IARS2: variants seen among roughly 807,000 people sequenced by gnomAD.
IARS2 encodes isoleucyl-tRNA synthetase 2, mitochondrial.
A neutral mutation model predicts 126.3 loss-of-function variants in IARS2; 56 were observed. The observed-to-expected ratio is 0.44, with a 90% CI of 0.36 to 0.55. The LOEUF is 0.55. Among genes scored for constraint, IARS2 ranks in the 20% least tolerant of loss-of-function variants. The probability of loss-of-function intolerance (pLI) is 0.00; values close to 1 mark genes in which losing one functional copy is unlikely to be tolerated. For synonymous variants in IARS2, 407 were observed against 441.1 expected, an observed-to-expected ratio of 0.92 and a Z score of 0.97; for missense variants, 1,127 against 1,245.9, an observed-to-expected ratio of 0.90 and a Z score of 1.44.
At chr1:220,113,807 G>A (rs1189698321) in intron 11 of IARS2, among the ~76,000 whole-genome samples, 2 of 152,110 alleles carry the variant, frequency 1.3e-5, no homozygotes, top group East Asian at 1.9e-4. Context: ...ACATACTTGG[G>A]CTTATTTTGA....
rs200804964 is a variant in IARS2, at chr1:220,113,626, G to GAT, written c.1480-676_1480-675dup. On this transcript the variant is annotated intron_variant, in intron 11 of 22. Transcript: ENST00000366922. ...AGTAACTGTTAGCCATTTGTCGATA[G>GAT]ATATATATATATAGAGAGAGAGAGA... 2.2e-3 allele frequency among the ~76,000 whole-genome samples: 330 copies of GAT among 148,058 alleles called. 1 individual carries two copies. Among genetic ancestry groups the GAT allele is most frequent in the African/African-American group, 7.1e-3 (271 of 38,154 alleles).
Position 220,147,481 on chromosome 1 carries a change from AT to A in IARS2, c.2897-5del. The A allele has an allele frequency of 6.2e-7, 1 of 1,613,526 alleles. No individual in the cohort carries two copies. Among genetic ancestry groups the A allele is most frequent in the Admixed American group, 1.7e-5 (1 of 59,996 alleles). On this transcript the variant is annotated splice_polypyrimidine_tract_variant and intron_variant, in intron 22 of 22. Transcript: ENST00000366922. The stretch of plus-strand genomic sequence containing the variant: ...TGCCTATCAGAAATACTCTTCATGT[AT>A]TTTTTTATAGGTGGTGATATTCGTG...
intron 20 of IARS2, 119 bp downstream of exon 20, chr1:220,142,067 CAG>C: frequency 2.2e-6 from 2 of 925,642 alleles, no homozygotes; most frequent in East Asian, 5.0e-5. Context: ...CTGTGTGACA[CAG>C]TGTGTCTTGG....
At position 220,096,194 on chromosome 1, in the gene IARS2, G is replaced by C; in HGVS notation, c.358G>C (p.Gly120Arg). The C allele has an allele frequency of 6.3e-7, 1 of 1,597,924 alleles. No homozygotes were observed. Among genetic ancestry groups the C allele is most frequent in the Non-Finnish European group, 8.5e-7 (1 of 1,171,568 alleles). Residue 120 changes from glycine (G) to arginine (R), a missense_variant, in exon 2 of 23, where the codon GGT becomes CGT. Physicochemically the swap from Gly to Arg is moderately radical, Grantham distance 125 (BLOSUM62 -2). Coordinates refer to ENST00000366922, the MANE Select transcript of IARS2 (RefSeq NM_018060.4). ...TCATGATGGACCTCCTTATGCAAACGGTGACCCTCATGTTGGACATGCTTT... is the reference window on the plus strand; with the variant it reads ...TCATGATGGACCTCCTTATGCAAACCGTGACCCTCATGTTGGACATGCTTT... ...CLHDGPPYAN[G>R]DPHVGHALNK...
In IARS2 at chr1:220,094,309, G is replaced by C. The variant is rs1176713687; in HGVS notation, c.93G>C (p.Pro31=). Residue 31 remains proline, a synonymous_variant, in exon 1 of 23, where the codon CCG becomes CCC. Coordinates refer to ENST00000366922, the MANE Select transcript of IARS2 (RefSeq NM_018060.4). ...GGACGCCCCGCCTTCCCTGCAGCCC[G>C]GGATGGCAAGGGGCGACGAAGAGGC... ...LWGTPRLPCS[P]GWQGATKRLL... is the part of the protein sequence containing the mutation. 3 of 1,612,272 alleles carry C rather than the reference G, an allele frequency of 1.9e-6. No individual in the cohort carries two copies. The highest frequency in any genetic ancestry group is 2.7e-5 in the African/African-American group (2 of 74,794).
At chr1:220,097,950 C>T (rs181543359) in intron 2 of IARS2, among the ~76,000 whole-genome samples, 11 of 152,162 alleles carry the variant, frequency 7.2e-5, no homozygotes, top group Admixed American at 2.6e-4. Context: ...TCTCGGCTCA[C>T]TGCAAGCTCC....
intron 13 of IARS2, among the ~76,000 whole-genome samples, chr1:220,125,822 T>C (rs1186789742): frequency 1.3e-5 from 2 of 151,684 alleles, no homozygotes; most frequent in Non-Finnish European, 2.9e-5. Flanking sequence ...AAGTGTATTA[T>C]TAGGTCGGGC....
At position 220,110,906 on chromosome 1, in the gene IARS2, T is replaced by G; in HGVS notation, c.1448T>G (p.Ile483Arg). The G allele has an allele frequency of 1.2e-6, 2 of 1,613,936 alleles. No homozygotes were observed. The highest frequency in any genetic ancestry group is 1.7e-6 in the Non-Finnish European group (2 of 1,179,976). Residue 483 changes from isoleucine (I) to arginine (R), a missense_variant, in exon 11 of 23, where the codon ATA (isoleucine) becomes AGA (arginine). Ile to Arg is a moderately conservative substitution (Grantham distance 97). Transcript: ENST00000366922. ...ATTCGTGCCAGCAAGCAGTGGTTTA[T>G]AAACATCACGGATATTAAGACTGCA... ...VVIRASKQWF[I>R]NITDIKTAAK...
chr1:220,127,911 T>C (rs1279476039), intron 14 of IARS2, among the ~76,000 whole-genome samples: 1 of 152,170 alleles, frequency 6.6e-6, no homozygotes, highest in Non-Finnish European at 1.5e-5. Flanking sequence ...TCATAATTTT[T>C]CTCCCAGCAT....
intron 14 of IARS2, among the ~76,000 whole-genome samples, chr1:220,129,033 C>T (rs1000313241): frequency 1.1e-4 from 17 of 151,984 alleles, no homozygotes; most frequent in Middle Eastern, 3.4e-3. Context: ...CAGGCATGTG[C>T]CACCATGCCC....
chr1:220,111,988 T>C (rs935034160), intron 11 of IARS2, among the ~76,000 whole-genome samples: 4 of 152,120 alleles, frequency 2.6e-5, no homozygotes, highest in Admixed American at 6.6e-5. Flanking sequence ...TTTTTAACTT[T>C]TTTGTAAAGT....
Position 220,096,191 on chromosome 1 carries a change from A to T in IARS2, c.355A>T (p.Asn119Tyr). The change falls in exon 2 of 23, where the codon AAC becomes TAC. Residue 119 changes from asparagine to tyrosine, a missense_variant. Physicochemically the swap from Asn to Tyr is moderately radical, Grantham distance 143 (BLOSUM62 -2). Coordinates refer to ENST00000366922, the MANE Select transcript of IARS2 (RefSeq NM_018060.4). ...FCLHDGPPYA[N>Y]GDPHVGHALN... The stretch of plus-strand genomic sequence containing the variant: ...CCTTCATGATGGACCTCCTTATGCA[A>T]ACGGTGACCCTCATGTTGGACATGC... The T allele has an allele frequency of 6.2e-7, 1 of 1,601,920 alleles. No individual in the cohort carries two copies. The highest frequency in any genetic ancestry group is 8.5e-7 in the Non-Finnish European group (1 of 1,173,308).
At chr1:220,145,758 C>A in intron 22 of IARS2, 105 bp downstream of exon 22, 1 of 865,006 alleles carries the variant, frequency 1.2e-6, no homozygotes. Flanking sequence ...TAGATATATA[C>A]TTGGAATACA....
chr1:220,141,655 T>A (rs1395318704), intron 19 of IARS2, 148 bp from the exon 20 acceptor site: 5 of 782,258 alleles, frequency 6.4e-6, no homozygotes, highest in Non-Finnish European at 1.0e-5. Context: ...AGTAAAATTG[T>A]AGGAGAGTGT....
In IARS2 at chr1:220,107,747, C is replaced by T. The variant is rs371549739; in HGVS notation, c.1327+596C>T. Among the ~76,000 whole-genome samples, 18 of 152,288 alleles carry T rather than the reference C, an allele frequency of 1.2e-4. No homozygotes were observed. In the South Asian group the frequency reaches 2.1e-3, roughly 18 times the overall value. On this transcript the variant is annotated intron_variant, in intron 10 of 22. Transcript: ENST00000366922. ...CTGGAAGCTAGAAGTCTAAATTCAT[C>T]GTACTGGCAGGACCATGTTTTCCTG...
In IARS2 at chr1:220,102,780, G is replaced by A; in HGVS notation, c.950+3G>A. 6.3e-7 allele frequency: 1 copy of A among 1,583,546 alleles called. No homozygotes were observed. Among genetic ancestry groups the A allele is most frequent in the Non-Finnish European group, 8.7e-7 (1 of 1,152,724 alleles). On this transcript the variant is annotated splice_donor_region_variant and intron_variant, in intron 7 of 22. Coordinates refer to ENST00000366922, the MANE Select transcript of IARS2 (RefSeq NM_018060.4). ...GTTTGCTATATGCCTGAATCAAAGT[G>A]GGTATATTATTGCATTTTTTGTTTT...
At chr1:220,125,374 G>A (rs1657131629) in intron 13 of IARS2, 35 bp downstream of exon 13, 6 of 1,277,346 alleles carry the variant, frequency 4.7e-6, no homozygotes, top group East Asian at 2.3e-5. Context: ...GCCTTTGTAT[G>A]TATTACAGGA....
chr1:220,143,221 C>T, intron 21 of IARS2, 87 bp downstream of exon 21: 1 of 857,238 alleles, frequency 1.2e-6, no homozygotes, highest in Non-Finnish European at 1.8e-6. Flanking sequence ...CTAAATTAAT[C>T]AAATAACATT....
At chr1:220,110,518 A>G (rs552409275) in intron 10 of IARS2, among the ~76,000 whole-genome samples, 2 of 152,102 alleles carry the variant, frequency 1.3e-5, no homozygotes, top group East Asian at 1.9e-4. Context: ...GGCACACACC[A>G]CCATGCCCGG....
Sources: allele counts gnomAD v4.1 joint callset (sites outside exome capture counted in the v4.1 genomes callset), GRCh38; gene constraint gnomAD v4.1.1; transcripts MANE v1.5; gene names NCBI Gene and HGNC (gene_info 2026-07-23, HGNC 2026-07-21).